UHRF2: variants seen among roughly 807,000 people sequenced by gnomAD.
UHRF2 encodes the protein ubiquitin like with PHD and ring finger domains 2.
In UHRF2, 23 loss-of-function variants were observed where a neutral mutation model predicts 96.8. That is an observed-to-expected ratio of 0.24 (90% CI 0.17 to 0.34). The LOEUF (loss-of-function observed/expected upper bound fraction) is 0.34. UHRF2 is among the 10% of genes least tolerant of loss of function. The pLI is 1.00. For missense variants in UHRF2, 685 were observed against 981.5 expected (o/e 0.70, Z 4.04); for synonymous variants, 385 against 332.6 (o/e 1.16, Z -1.72).
chr9:6,493,398 A>G (rs1824784812), intron 9 of UHRF2, among the ~76,000 whole-genome samples: 1 of 152,174 alleles, frequency 6.6e-6, no homozygotes, highest in African/African-American at 2.4e-5. Flanking sequence ...ACACTTAGGT[A>G]TGGTGTAGAT....
intron 4 of UHRF2, among the ~76,000 whole-genome samples, chr9:6,472,876 A>C (rs1823332762): frequency 6.6e-6 from 1 of 152,190 alleles, no homozygotes; most frequent in Admixed American, 6.5e-5. Flanking sequence ...AAAAGGAAAA[A>C]AGACACATAA....
intron 4 of UHRF2, among the ~76,000 whole-genome samples, chr9:6,462,882 A>G (rs1358777708): frequency 1.3e-5 from 2 of 152,098 alleles, no homozygotes; most frequent in East Asian, 3.9e-4. Flanking sequence ...ATGCCATTGT[A>G]CTCCAGCCTG....
At chr9:6,505,268 A>AATAT (rs916906476) in intron 15 of UHRF2, among the ~76,000 whole-genome samples, 1 of 151,604 alleles carries the variant, frequency 6.6e-6, no homozygotes, top group South Asian at 2.1e-4. Flanking sequence ...AGTGCTGCTA[A>AATAT]ATATATATAT....
intron 10 of UHRF2, chr9:6,496,122 T>C (rs1434682718): frequency 6.6e-6 from 1 of 152,192 alleles, no homozygotes; most frequent in Non-Finnish European, 1.5e-5. Context: ...AAGACATTTC[T>C]TTTCAATAGG....
intron 3 of UHRF2, among the ~76,000 whole-genome samples, chr9:6,448,348 C>G (rs1184183056): frequency 1.3e-5 from 2 of 152,154 alleles, no homozygotes; most frequent in Non-Finnish European, 2.9e-5. Context: ...TCTGTGAATA[C>G]TATTTAGTTA....
chr9:6,505,827 T>A (rs1816553100), intron 15 of UHRF2, among the ~76,000 whole-genome samples: 1 of 152,190 alleles, frequency 6.6e-6, no homozygotes, highest in Non-Finnish European at 1.5e-5. Flanking sequence ...ATAAATAATT[T>A]ACCTGAAGGC....
intron 3 of UHRF2, among the ~76,000 whole-genome samples, chr9:6,436,351 A>G (rs555804525): frequency 2.0e-5 from 3 of 152,316 alleles, no homozygotes; most frequent in Admixed American, 6.5e-5. Flanking sequence ...CTGAGTATTT[A>G]GATCTGAGAT....
intron 3 of UHRF2, among the ~76,000 whole-genome samples, chr9:6,455,914 G>A (rs969939627): frequency 6.6e-6 from 1 of 152,160 alleles, no homozygotes; most frequent in African/African-American, 2.4e-5. Context: ...AGCCTGGGAG[G>A]CCAAGGCTGC....
rs1407094475 is a variant in UHRF2, at chr9:6,483,696, T to G, written c.1392+1597T>G. Among the ~76,000 whole-genome samples the G allele has an allele frequency of 3.3e-5, 5 of 152,356 alleles. No homozygotes were observed. The East Asian group carries it at 7.7e-4, about 24-fold the overall frequency. ...CGCGCCCTACTTTTATCTTTTTTGTTTGTTTGTTTGGAGACAGAGTTTCAC... is the reference window on the plus strand; with the variant it reads ...CGCGCCCTACTTTTATCTTTTTTGTGTGTTTGTTTGGAGACAGAGTTTCAC... On this transcript the variant is annotated intron_variant, in intron 8 of 15. Coordinates refer to ENST00000276893, the MANE Select transcript of UHRF2 (RefSeq NM_152896.3).
At chr9:6,455,541 A>G (rs1043969162) in intron 3 of UHRF2, among the ~76,000 whole-genome samples, 2 of 152,258 alleles carry the variant, frequency 1.3e-5, no homozygotes, top group African/African-American at 4.8e-5. Flanking sequence ...TCTATCATTG[A>G]TGGACATTTG....
rs144762218 is a variant in UHRF2 at position 6,451,888 on chromosome 9, G to C, written c.645-8685G>C. Among the ~76,000 whole-genome samples, 183 of 150,874 alleles carry C rather than the reference G, an allele frequency of 1.2e-3. 5 individuals carry two copies. In the East Asian group the frequency reaches 0.026, roughly 22 times the overall value. ...AGTCTCTGCCTCCCTGGGTTCAAGC[G>C]ATTCTCCTGCCTCAGCCTCCCACCT... On this transcript the variant is annotated intron_variant, in intron 3 of 15. Transcript: ENST00000276893.
At chr9:6,500,975 A>G (rs1816261980) in intron 14 of UHRF2, among the ~76,000 whole-genome samples, 1 of 152,230 alleles carries the variant, frequency 6.6e-6, no homozygotes, top group African/African-American at 2.4e-5. Context: ...AAGAATTTTC[A>G]GTTTGTGAAA....
At chr9:6,429,628 G>A (rs1276866161) in intron 2 of UHRF2, among the ~76,000 whole-genome samples, 1 of 152,172 alleles carries the variant, frequency 6.6e-6, no homozygotes, top group Non-Finnish European at 1.5e-5. Flanking sequence ...ACTGCACCCG[G>A]GCTATACTCT....
In UHRF2 at chr9:6,506,692, G is replaced by A. The variant is rs903351321; in HGVS notation, c.*513G>A. On this transcript the variant is annotated 3_prime_UTR_variant, in exon 16 of 16. Transcript: ENST00000276893. ...TACAATGTGTGTTTTGCAAGGACAGGTTCATTTTTTTTAGCCCACTTTGTG... is the reference window on the plus strand; with the variant it reads ...TACAATGTGTGTTTTGCAAGGACAGATTCATTTTTTTTAGCCCACTTTGTG... The A allele has an allele frequency of 5.2e-5, 8 of 152,638 alleles. No homozygotes were observed. Among genetic ancestry groups the A allele is most frequent in the African/African-American group, 1.7e-4 (7 of 41,366 alleles). 9.5% of individuals were successfully genotyped at this position (152,638 alleles called of 1,614,324 possible).
Position 6,506,079 on chromosome 9 carries a change from C to T in UHRF2, c.2309C>T (p.Ala770Val), listed in dbSNP as rs1292283052. 6.2e-7 allele frequency: 1 copy of T among 1,614,200 alleles called. No individual in the cohort carries two copies. Among genetic ancestry groups the T allele is most frequent in the South Asian group, 1.1e-5 (1 of 91,082 alleles). Residue 770 changes from alanine (A) to valine (V), a missense_variant, in exon 16 of 16, where the codon GCT (alanine) becomes GTT (valine). Ala to Val is a moderately conservative substitution (Grantham distance 64, BLOSUM62 0). Coordinates refer to ENST00000276893, the MANE Select transcript of UHRF2 (RefSeq NM_152896.3). ...AAGGCACAGGTTTTCTCCTGCCCTG[C>T]TTGCCGGCATGATCTTGGCCAGAAT... ...SFKAQVFSCP[A>V]CRHDLGQNYI...
chr9:6,421,862 G>C (rs1487951562), intron 2 of UHRF2, among the ~76,000 whole-genome samples: 1 of 151,994 alleles, frequency 6.6e-6, no homozygotes, highest in Non-Finnish European at 1.5e-5. Flanking sequence ...AGTATGTTTT[G>C]TCTGTATTTG....
chr9:6,448,513 C>G (rs1029116432), intron 3 of UHRF2, among the ~76,000 whole-genome samples: 1 of 152,284 alleles, frequency 6.6e-6, no homozygotes. Context: ...TAAATAACTT[C>G]TATGCTTCAT....
At chr9:6,467,604 T>G (rs537914627) in intron 4 of UHRF2, among the ~76,000 whole-genome samples, 5 of 150,470 alleles carry the variant, frequency 3.3e-5, no homozygotes, top group East Asian at 1.9e-4. Flanking sequence ...AGTTTTTTTT[T>G]TTTTTTTTTT....
chr9:6,494,107 A>G (rs1385481049), intron 10 of UHRF2, 175 bp downstream of exon 10: 3 of 542,456 alleles, frequency 5.5e-6, no homozygotes, highest in African/African-American at 1.9e-5. Context: ...ATATCTTTAT[A>G]CTGTTATTTT....
Sources: allele counts gnomAD v4.1 joint callset (sites outside exome capture counted in the v4.1 genomes callset), GRCh38; gene constraint gnomAD v4.1.1; transcripts MANE v1.5; gene names NCBI Gene and HGNC (gene_info 2026-07-23, HGNC 2026-07-21).